NAV3: variants seen among roughly 807,000 people sequenced by gnomAD.
The protein encoded by NAV3 is neuron navigator 3, also known as pore membrane and/or filament interacting like protein 1.
NAV3 carries 87 observed loss-of-function variants against 244.7 expected under a neutral mutation model. The observed-to-expected ratio is 0.36, with a 90% CI of 0.30 to 0.42. The LOEUF (loss-of-function observed/expected upper bound fraction) is 0.42, where lower values mean the gene tolerates loss of function less well. NAV3 is among the 20% of genes least tolerant of loss of function. The probability of loss-of-function intolerance (pLI) is 1.00; values close to 1 mark genes in which losing one functional copy is unlikely to be tolerated. For synonymous variants in NAV3, 1,126 were observed against 1,042.2 expected, an observed-to-expected ratio of 1.08 and a Z score of -1.55; for missense variants, 2,663 against 2,893.3, an observed-to-expected ratio of 0.92 and a Z score of 1.83.
At chr12:77,773,650 G>C (rs1870209565) in intron 2 of NAV3, among the ~76,000 whole-genome samples, 1 of 151,980 alleles carries the variant, frequency 6.6e-6, no homozygotes, top group Admixed American at 6.6e-5. Context: ...AAGCAGGAAA[G>C]GCAAAAAAAG....
intron 2 of NAV3, among the ~76,000 whole-genome samples, chr12:77,757,133 A>G (rs1188976674): frequency 6.6e-6 from 1 of 152,240 alleles, no homozygotes; most frequent in African/African-American, 2.4e-5. Flanking sequence ...AAATTGAGGA[A>G]TAATCCTTAA....
At chr12:78,119,181 G>A (rs1210916087) in intron 14 of NAV3, 56 bp from the exon 15 acceptor site, 2 of 1,441,944 alleles carry the variant, frequency 1.4e-6, no homozygotes, top group African/African-American at 2.9e-5. Flanking sequence ...GTTTCACGAA[G>A]TGTGGTGATA....
At position 78,029,128 on chromosome 12, in the gene NAV3, G is replaced by A. The variant is rs147736286; in HGVS notation, c.2023+7266G>A. Among the ~76,000 whole-genome samples the A allele has an allele frequency of 7.3e-4, 110 of 150,050 alleles. 1 individual carries two copies. Among genetic ancestry groups the A allele is most frequent in the African/African-American group, 2.7e-3 (108 of 40,712 alleles). On this transcript the variant is annotated intron_variant, in intron 9 of 39. Coordinates refer to ENST00000397909, the MANE Select transcript of NAV3 (RefSeq NM_001024383.2). ...TGATGAACCAGGTGGTGACTTTGAA[G>A]GATTCCATATGTCAAATGAGAAAAA...
At chr12:77,657,148 C>G (rs918992905) in intron 2 of NAV3, among the ~76,000 whole-genome samples, 10 of 151,742 alleles carry the variant, frequency 6.6e-5, no homozygotes, top group African/African-American at 2.4e-4. Flanking sequence ...AAACCCTTCA[C>G]AAAATTAATG....
chr12:77,716,277 AG>A (rs1347598329), intron 2 of NAV3, among the ~76,000 whole-genome samples: 1 of 149,924 alleles, frequency 6.7e-6, no homozygotes, highest in Non-Finnish European at 1.5e-5. Flanking sequence ...AGTAATAGCA[AG>A]TTTTTTTTTT....
chr12:78,004,543 A>C (rs889727526), intron 7 of NAV3, among the ~76,000 whole-genome samples: 1 of 152,370 alleles, frequency 6.6e-6, no homozygotes. Context: ...AGTAATCAAC[A>C]TTCAGAAATA....
Position 78,122,037 on chromosome 12 carries a change from G to A in NAV3, c.3847G>A (p.Ala1283Thr), listed in dbSNP as rs1368723263. The change falls in exon 16 of 40, where the codon GCG (alanine) becomes ACG (threonine). Residue 1283 changes from alanine to threonine, a missense_variant. Coordinates refer to ENST00000397909, the MANE Select transcript of NAV3 (RefSeq NM_001024383.2). ...SVMPSPSTTL[A>T]RQGSLESPSS... ...AATGCCCAGCCCTAGTACCACATTA[G>A]CGCGGCAAGGCAGTCTGGAGTCACC... 1 of 1,614,212 alleles carries A rather than the reference G, an allele frequency of 6.2e-7. No homozygotes were observed. Among genetic ancestry groups the A allele is most frequent in the Non-Finnish European group, 8.5e-7 (1 of 1,180,048 alleles).
chr12:77,612,861 G>A (rs527742830), intron 2 of NAV3, among the ~76,000 whole-genome samples: 8 of 152,022 alleles, frequency 5.3e-5, no homozygotes, highest in Non-Finnish European at 8.8e-5. Flanking sequence ...TGAATCATGG[G>A]GACGGTTCCT....
At chr12:77,694,718 G>C (rs1875211932) in intron 2 of NAV3, among the ~76,000 whole-genome samples, 1 of 152,070 alleles carries the variant, frequency 6.6e-6, no homozygotes, top group Non-Finnish European at 1.5e-5. Context: ...GCTTTGTTTG[G>C]ACCTATTGTG....
chr12:77,650,400 C>A (rs1327199162), intron 2 of NAV3, among the ~76,000 whole-genome samples: 1 of 152,064 alleles, frequency 6.6e-6, no homozygotes, highest in Non-Finnish European at 1.5e-5. Flanking sequence ...AGACCAACAA[C>A]CAACCTGAGA....
At chr12:77,839,063 A>G (rs1875157548) in intron 1 of NAV3, among the ~76,000 whole-genome samples, 1 of 152,188 alleles carries the variant, frequency 6.6e-6, no homozygotes, top group Non-Finnish European at 1.5e-5. Context: ...TTTAGAACTG[A>G]TAACTCTGTA....
rs377223602 is a variant in NAV3, at chr12:77,968,573, G to A, written c.542G>A (p.Arg181His). ...CTAGGGCTGTTTTTCAGTTTATCTC[G>A]CTACAAGCAGCAACAACACCATCAA... Reference protein sequence around the residue: ...AILGLFFSLSRYKQQQHHQQQ... With the variant: ...AILGLFFSLSHYKQQQHHQQQ... The change falls in exon 5 of 40, where the codon CGC becomes CAC. Residue 181 changes from arginine to histidine, a missense_variant. Transcript: ENST00000397909. 15 of 1,613,808 alleles carry A rather than the reference G, an allele frequency of 9.3e-6. No homozygotes were observed. Among genetic ancestry groups the A allele is most frequent in the Middle Eastern group, 3.3e-4 (2 of 6,080 alleles).
intron 2 of NAV3, among the ~76,000 whole-genome samples, chr12:77,701,030 T>G (rs1875536671): frequency 6.6e-6 from 1 of 151,850 alleles, no homozygotes; most frequent in African/African-American, 2.4e-5. Flanking sequence ...TTGTAATTAT[T>G]TTTTGCATGT....
At chr12:77,921,969 A>T (rs1887751142) in intron 1 of NAV3, among the ~76,000 whole-genome samples, 1 of 152,166 alleles carries the variant, frequency 6.6e-6, no homozygotes, top group African/African-American at 2.4e-5. Context: ...AGGTCTGTAA[A>T]GTGCCCAGCA....
At chr12:78,105,090 T>G (rs2138282523) in intron 12 of NAV3, among the ~76,000 whole-genome samples, 1 of 152,240 alleles carries the variant, frequency 6.6e-6, no homozygotes, top group Middle Eastern at 3.4e-3. Flanking sequence ...TAATCTCAAA[T>G]TTTTTACCAA....
At chr12:77,666,022 T>G (rs572110874) in intron 2 of NAV3, among the ~76,000 whole-genome samples, 1 of 152,300 alleles carries the variant, frequency 6.6e-6, no homozygotes, top group Non-Finnish European at 1.5e-5. Context: ...GAGAAACCTA[T>G]GTAATTATGA....
intron 38 of NAV3, among the ~76,000 whole-genome samples, chr12:78,202,715 G>T (rs572714931): frequency 2.6e-5 from 4 of 152,146 alleles, no homozygotes; most frequent in Non-Finnish European, 5.9e-5. Context: ...AGGGCTTTTT[G>T]GGGGAGGGGA....
At chr12:77,989,935 C>G (rs1372376947) in intron 5 of NAV3, among the ~76,000 whole-genome samples, 1 of 152,064 alleles carries the variant, frequency 6.6e-6, no homozygotes, top group Non-Finnish European at 1.5e-5. Flanking sequence ...GCATTATCAC[C>G]TCACAATTTA....
intron 2 of NAV3, among the ~76,000 whole-genome samples, chr12:77,771,453 A>G (rs1870080402): frequency 6.6e-6 from 1 of 151,214 alleles, no homozygotes; most frequent in Non-Finnish European, 1.5e-5. Flanking sequence ...TGCTATAAAG[A>G]CACATGCACA....
Sources: allele counts gnomAD v4.1 joint callset (sites outside exome capture counted in the v4.1 genomes callset), GRCh38; gene constraint gnomAD v4.1.1; transcripts MANE v1.5; gene names NCBI Gene and HGNC (gene_info 2026-07-23, HGNC 2026-07-21).